ARAP3: variants seen among roughly 807,000 people sequenced by gnomAD.
ARAP3 encodes the protein arf-GAP with Rho-GAP domain, ANK repeat and PH domain-containing protein 3.
ARAP3 carries 82 observed loss-of-function variants against 169.2 expected under a neutral mutation model. That is an observed-to-expected ratio of 0.48 (90% confidence interval 0.41 to 0.58). The LOEUF (loss-of-function observed/expected upper bound fraction) is 0.58. Ranked by LOEUF, ARAP3 falls within the 20% of genes least tolerant of loss-of-function variation. ARAP3 has a pLI of 0.00. For synonymous variants in ARAP3, 791 were observed against 800.3 expected, an observed-to-expected ratio of 0.99 and a Z score of 0.20; for missense variants, 1,764 against 2,018.0, an observed-to-expected ratio of 0.87 and a Z score of 2.41.
In ARAP3 at chr5:141,659,474, G is replaced by T; in HGVS notation, c.3270C>A (p.Ile1090=). The T allele has an allele frequency of 6.2e-7, 1 of 1,614,160 alleles. No individual in the cohort carries two copies. The highest frequency in any genetic ancestry group is 1.3e-5 in the African/African-American group (1 of 75,050). ...LIDGYISVFD[I]DSDQVAQIDL... ...CAATCTGAGCTACCTGGTCAGAATC[G>T]ATCTGTGAAAGAGCCAAAAGAGAGT... Residue 1090 remains isoleucine, a splice_region_variant and synonymous_variant, in exon 23 of 33, where the codon ATC becomes ATA. Transcript: ENST00000239440.
At chr5:141,669,857 G>A in intron 15 of ARAP3, 46 bp from the exon 16 acceptor site, 1 of 1,610,268 alleles carries the variant, frequency 6.2e-7, no homozygotes, top group Non-Finnish European at 8.5e-7. Flanking sequence ...CCAATGAGAG[G>A]GCTGTCAGGC....
chr5:141,679,823 C>A lies in ARAP3; in HGVS notation c.525-1G>T. On this transcript the variant is annotated splice_acceptor_variant, in intron 2 of 32. Coordinates refer to ENST00000239440, the MANE Select transcript of ARAP3 (RefSeq NM_022481.6). LOFTEE classifies it high-confidence loss of function. ...AGAGATTTGGGAGCTGTCTGGGGCC[C>A]TGAAGGGAAAGGTCTATTGGTTACT... 1 of 1,611,924 alleles carries A rather than the reference C, an allele frequency of 6.2e-7. No homozygotes were observed. Among genetic ancestry groups the A allele is most frequent in the Non-Finnish European group, 8.5e-7 (1 of 1,179,384 alleles).
At chr5:141,656,158 A>G (rs1180705620) in intron 28 of ARAP3, 36 bp downstream of exon 28, 1 of 1,614,042 alleles carries the variant, frequency 6.2e-7, no homozygotes. Flanking sequence ...GAAGGCAGGA[A>G]GGCCCTGGAA....
In ARAP3 at chr5:141,671,251, C is replaced by T. The variant is rs1429817188; in HGVS notation, c.1990+14G>A. 6.3e-7 allele frequency: 1 copy of T among 1,587,492 alleles called. No individual in the cohort carries two copies. The highest frequency in any genetic ancestry group is 8.6e-7 in the Non-Finnish European group (1 of 1,167,444). The stretch of plus-strand genomic sequence containing the variant: ...ATTCCTGTAGGGGAGAGAGGAGGCA[C>T]TTGGGGGAATGACCTGAGGGCAAGA... On this transcript the variant is annotated intron_variant, in intron 13 of 32. Coordinates refer to ENST00000239440, the MANE Select transcript of ARAP3 (RefSeq NM_022481.6). The surrounding 1 kb of genome is among the most constrained non-coding windows in gnomAD (Gnocchi z 4.9).
intron 25 of ARAP3, among the ~76,000 whole-genome samples, chr5:141,658,116 G>A (rs77922030): frequency 0.16 from 23,720 of 152,126 alleles, 2,020 homozygotes; most frequent in Admixed American, 0.27. Context: ...GGCAAAAGAG[G>A]AAGAGAAGCT....
rs777051996 is a variant in ARAP3 at position 141,670,647 on chromosome 5, G to A, written c.1991-19C>T. 4.4e-6 allele frequency: 7 copies of A among 1,608,706 alleles called. No homozygotes were observed. The highest frequency in any genetic ancestry group is 1.7e-6 in the Non-Finnish European group (2 of 1,175,174). ...GAGGGGTCTGCAAGGGGAAGGGGAA[G>A]TAGTCAGGTCAACCAAGTGCAACGG... On this transcript the variant is annotated intron_variant, in intron 13 of 32. Transcript: ENST00000239440.
At chr5:141,664,493 T>G (rs974867569) in intron 19 of ARAP3, among the ~76,000 whole-genome samples, 1 of 152,306 alleles carries the variant, frequency 6.6e-6, no homozygotes, top group African/African-American at 2.4e-5. Flanking sequence ...ATAATTCTGC[T>G]TAAAACTTCT....
chr5:141,681,025 C>G (rs1302764774), intron 1 of ARAP3, among the ~76,000 whole-genome samples: 2 of 152,168 alleles, frequency 1.3e-5, no homozygotes, highest in African/African-American at 4.8e-5. Context: ...TGCAGGCCTG[C>G]CGTCCTAATC....
intron 19 of ARAP3, among the ~76,000 whole-genome samples, chr5:141,663,701 C>T (rs17208495): frequency 0.16 from 24,816 of 152,198 alleles, 2,176 homozygotes; most frequent in Admixed American, 0.27. Context: ...GGTCACTGAA[C>T]AAGGCCACTG....
chr5:141,671,324 C>A lies in ARAP3; in HGVS notation c.1931G>T (p.Gly644Val). 2 of 1,613,736 alleles carry A rather than the reference C, an allele frequency of 1.2e-6. No individual in the cohort carries two copies. The highest frequency in any genetic ancestry group is 1.7e-6 in the Non-Finnish European group (2 of 1,179,850). Residue 644 changes from glycine (G) to valine (V), a missense_variant, in exon 13 of 33, where the codon GGC becomes GTC. Physicochemically the swap from Gly to Val is moderately radical, Grantham distance 109 (BLOSUM62 -3). Coordinates refer to ENST00000239440, the MANE Select transcript of ARAP3 (RefSeq NM_022481.6). This position sits in a 1 kb window ranked among gnomAD's most constrained non-coding sequence, Gnocchi z 4.9. ...GGCTGGGGGGAACCAGGGCTCCTCGCCTTCAAAGGCCTCAACACAGAGGAG... is the reference window on the plus strand; with the variant it reads ...GGCTGGGGGGAACCAGGGCTCCTCGACTTCAAAGGCCTCAACACAGAGGAG... Reference protein sequence around the residue: ...TQLLCVEAFEGEEPWFPPAPD... With the variant: ...TQLLCVEAFEVEEPWFPPAPD...
rs377004224 is a variant in ARAP3 at position 141,656,706 on chromosome 5, A to T, written c.3655+12T>A. ...AGACCTGGGGGATGCTGGGCAGAGG[A>T]AGGAGGCTCACCTGTGAAGAGGCAG... On this transcript the variant is annotated intron_variant, in intron 26 of 32. Transcript: ENST00000239440. The T allele has an allele frequency of 1.2e-6, 2 of 1,612,424 alleles. No individual in the cohort carries two copies. The highest frequency in any genetic ancestry group is 2.7e-5 in the African/African-American group (2 of 74,882).
chr5:141,671,365 C>T lies in ARAP3; in HGVS notation c.1890G>A (p.Leu630=), dbSNP rs2099911422. 4 of 1,613,470 alleles carry T rather than the reference C, an allele frequency of 2.5e-6. No homozygotes were observed. Among genetic ancestry groups the T allele is most frequent in the Non-Finnish European group, 3.4e-6 (4 of 1,179,730 alleles). Residue 630 remains leucine (L), a synonymous_variant, in exon 13 of 33, where the codon CTG becomes CTA. Coordinates refer to ENST00000239440, the MANE Select transcript of ARAP3 (RefSeq NM_022481.6). The surrounding 1 kb of genome is among the most constrained non-coding windows in gnomAD (Gnocchi z 4.9). ...CACAGAGGAGCTGGGTCATGTTCTT[C>T]AGCAGGTTGGGTCTTGCCACAGCTG... ...LCAAVARPNL[L]KNMTQLLCVE... is the part of the protein sequence containing the mutation.
chr5:141,662,392 T>G, intron 19 of ARAP3, 137 bp from the exon 20 acceptor site: 7 of 797,034 alleles, frequency 8.8e-6, no homozygotes, highest in Non-Finnish European at 1.4e-5. Flanking sequence ...TATGCCTCCA[T>G]GTTCTTGATT....
chr5:141,661,944 G>A (rs1308926539), intron 20 of ARAP3, 99 bp downstream of exon 20: 3 of 1,537,074 alleles, frequency 2.0e-6, no homozygotes, highest in Admixed American at 1.7e-5. Flanking sequence ...ATCCCCCAGG[G>A]TGGGAAGTGA....
intron 26 of ARAP3, 30 bp downstream of exon 26, chr5:141,656,688 G>C (rs764578496): frequency 1.2e-6 from 2 of 1,613,054 alleles, no homozygotes; most frequent in Non-Finnish European, 1.7e-6. Context: ...GAGAGACCTG[G>C]GGGATGCTGG....
rs773659395 is a variant in ARAP3 at position 141,671,311 on chromosome 5, C to A, written c.1944G>T (p.Trp648Cys). The A allele has an allele frequency of 1.2e-6, 2 of 1,613,522 alleles. No individual in the cohort carries two copies. The highest frequency in any genetic ancestry group is 1.7e-6 in the Non-Finnish European group (2 of 1,179,776). ...AGCTGCCATCAGGGGCTGGGGGGAA[C>A]CAGGGCTCCTCGCCTTCAAAGGCCT... The part of the protein sequence containing the change: ...CVEAFEGEEP[W>C]FPPAPDGSCP... Residue 648 changes from tryptophan to cysteine, a missense_variant, in exon 13 of 33, where the codon TGG becomes TGT. Physicochemically the swap from Trp to Cys is radical, Grantham distance 215 (BLOSUM62 -2). This residue lies in a region of ARAP3 where 1,112 missense variants were observed against 1,285.7 expected (regional missense o/e 0.86). Coordinates refer to ENST00000239440, the MANE Select transcript of ARAP3 (RefSeq NM_022481.6). This position sits in a 1 kb window ranked among gnomAD's most constrained non-coding sequence, Gnocchi z 4.9.
chr5:141,678,578 C>A (rs781455846), intron 4 of ARAP3, among the ~76,000 whole-genome samples: 1 of 151,980 alleles, frequency 6.6e-6, no homozygotes, highest in Non-Finnish European at 1.5e-5. Flanking sequence ...ACCTCCACCT[C>A]TCCGGTTCAA....
At position 141,667,691 on chromosome 5, in the gene ARAP3, G is replaced by A. The variant is rs375015176; in HGVS notation, c.2353-1048C>T. ...GATCCACCTGCCTCGGCCTCCCAAA[G>A]TGTTGGGATTAGAGGCATGAGCCAC... is the stretch of plus-strand genomic sequence containing the variant. On this transcript the variant is annotated intron_variant, in intron 16 of 32. Coordinates refer to ENST00000239440, the MANE Select transcript of ARAP3 (RefSeq NM_022481.6). Among the ~76,000 whole-genome samples the A allele has an allele frequency of 8.9e-4, 132 of 148,258 alleles. 1 individual carries two copies. In the South Asian group the frequency reaches 0.028, roughly 32 times the overall value.
chr5:141,674,121 G>A (rs1449979457), intron 4 of ARAP3, among the ~76,000 whole-genome samples: 1 of 151,880 alleles, frequency 6.6e-6, no homozygotes, highest in Non-Finnish European at 1.5e-5. Context: ...ACGCTACCAC[G>A]CCTGGCTAAT....
Sources: gnomAD v4.1 joint callset for allele counts (sites outside exome capture counted in the v4.1 genomes callset) on GRCh38, gnomAD v4.1.1 for gene constraint, gnomAD v4.1.1 regional missense constraint, Gnocchi (gnomAD v3.1) non-coding constraint, MANE v1.5 for transcripts, NCBI Gene and HGNC (gene_info 2026-07-23, HGNC 2026-07-21) for gene names.